Variants in OPCML observed in about 807,000 individuals in gnomAD.
OPCML encodes the protein opioid-binding protein/cell adhesion molecule.
In OPCML, 13 loss-of-function variants were observed where a neutral mutation model predicts 37.8. The ratio of observed to expected loss-of-function variants is 0.34; its 90% CI spans 0.22 to 0.55. The LOEUF is 0.55. Ranked by LOEUF, OPCML falls within the 20% of genes least tolerant of loss-of-function variation. The pLI is 0.91. For synonymous variants in OPCML, 176 were observed against 168.8 expected (o/e 1.04, Z -0.33); for missense variants, 341 against 435.6 (o/e 0.78, Z 1.93).
chr11:132,762,588 C>T (rs1305912516), intron 2 of OPCML, among the ~76,000 whole-genome samples: 2 of 152,192 alleles, frequency 1.3e-5, no homozygotes, highest in African/African-American at 4.8e-5. Context: ...CAAGTTCGAA[C>T]TTCCTGGTGG....
At chr11:133,458,590 T>G (rs1282632305) in intron 1 of OPCML, among the ~76,000 whole-genome samples, 1 of 115,056 alleles carries the variant, frequency 8.7e-6, no homozygotes, top group Non-Finnish European at 1.5e-5. Context: ...TGTACACATA[T>G]ATACACGTGT....
At chr11:132,459,829 A>C (rs1046819562) in intron 4 of OPCML, among the ~76,000 whole-genome samples, 4 of 152,208 alleles carry the variant, frequency 2.6e-5, no homozygotes, top group Admixed American at 2.6e-4. Context: ...CATGAAAGCA[A>C]ATACAAGTTT....
intron 1 of OPCML, among the ~76,000 whole-genome samples, chr11:133,321,759 G>A (rs1053183838): frequency 3.9e-5 from 6 of 152,086 alleles, no homozygotes; most frequent in African/African-American, 9.7e-5. Context: ...ACAGACAGAT[G>A]TGCCAAGTGC....
At chr11:133,327,335 C>T (rs2136639206) in intron 1 of OPCML, among the ~76,000 whole-genome samples, 1 of 151,936 alleles carries the variant, frequency 6.6e-6, no homozygotes, top group Non-Finnish European at 1.5e-5. Flanking sequence ...TATTTTGGCA[C>T]CAGGTTTTTG....
intron 3 of OPCML, among the ~76,000 whole-genome samples, chr11:132,564,377 A>T (rs888147186): frequency 1.3e-5 from 2 of 151,906 alleles, no homozygotes; most frequent in African/African-American, 2.4e-5. Context: ...CTTTAACATC[A>T]CTCTACAAGA....
At chr11:133,199,153 G>A (rs1938660253) in intron 1 of OPCML, among the ~76,000 whole-genome samples, 1 of 152,144 alleles carries the variant, frequency 6.6e-6, no homozygotes, top group African/African-American at 2.4e-5. Context: ...TAGGTCTTGA[G>A]GGGTAGAAAA....
intron 4 of OPCML, among the ~76,000 whole-genome samples, chr11:132,450,812 C>T (rs181595146): frequency 6.6e-6 from 1 of 152,232 alleles, no homozygotes; most frequent in Non-Finnish European, 1.5e-5. Context: ...TTTCTGTGTC[C>T]ATTTGGATAA....
At chr11:132,566,709 C>G (rs146034158) in intron 3 of OPCML, among the ~76,000 whole-genome samples, 166 of 152,228 alleles carry the variant, frequency 1.1e-3, no homozygotes, top group Admixed American at 2.9e-3. Context: ...TTTATCACTG[C>G]GAGGTGTCTT....
intron 1 of OPCML, among the ~76,000 whole-genome samples, chr11:133,381,223 G>C (rs1481006343): frequency 6.6e-6 from 1 of 152,228 alleles, no homozygotes; most frequent in Non-Finnish European, 1.5e-5. Context: ...GCAAAAGAGA[G>C]GGTAGGAGCC....
chr11:132,974,806 T>G (rs569649840), intron 1 of OPCML, among the ~76,000 whole-genome samples: 2 of 152,146 alleles, frequency 1.3e-5, no homozygotes, highest in South Asian at 4.1e-4. Flanking sequence ...TATTGTCCTT[T>G]GATTTTCTCC....
Position 133,191,493 on chromosome 11 carries a change from CTGTGTGTGTGGGTGTGTGTGTGTGTG to C in OPCML, c.62-248509_62-248484del, listed in dbSNP as rs1430489181. On this transcript the variant is annotated intron_variant, in intron 1 of 7. Coordinates refer to ENST00000524381, the MANE Select transcript of OPCML (RefSeq NM_001012393.5). ...AAGTATTTCTGTATCTTTTTCTTTT[CTGTGTGTGTGGGTGTGTGTGTGTGTG>C]TGTGTGTGTGTGTGTGTGACGGAGT... Among the ~76,000 whole-genome samples the C allele has an allele frequency of 4.2e-5, 5 of 119,716 alleles. No individual in the cohort carries two copies. The East Asian group carries it at 6.0e-4, about 14-fold the overall frequency. The allele number at this position is 119,716 out of a possible 152,430, so 78.5% of individuals were successfully genotyped here.
chr11:133,423,040 G>A (rs1945924576), intron 1 of OPCML: 1 of 985,350 alleles, frequency 1.0e-6, no homozygotes, highest in Non-Finnish European at 1.2e-6. Flanking sequence ...AACCTCTACT[G>A]TTCCTCTTAC....
chr11:133,179,398 G>C (rs538145475), intron 1 of OPCML, among the ~76,000 whole-genome samples: 1 of 152,052 alleles, frequency 6.6e-6, no homozygotes, highest in Non-Finnish European at 1.5e-5. Context: ...GTGGGACAAA[G>C]TGTTTTCTCC....
chr11:133,200,787 G>A (rs1408390995), intron 1 of OPCML, among the ~76,000 whole-genome samples: 1 of 152,052 alleles, frequency 6.6e-6, no homozygotes, highest in East Asian at 1.9e-4. Context: ...TGGGTACATA[G>A]CCAAAGGAAT....
intron 1 of OPCML, among the ~76,000 whole-genome samples, chr11:133,501,334 G>A (rs1947911702): frequency 6.6e-6 from 1 of 152,152 alleles, no homozygotes; most frequent in African/African-American, 2.4e-5. Flanking sequence ...CACACGTCAT[G>A]ACCTAATCAC....
chr11:132,476,069 T>G (rs1251779535), intron 4 of OPCML, among the ~76,000 whole-genome samples: 2 of 152,224 alleles, frequency 1.3e-5, no homozygotes, highest in Non-Finnish European at 2.9e-5. Flanking sequence ...ATCAGCACTA[T>G]GTAAGATACA....
rs899016527 is a variant in OPCML, at chr11:133,422,652, C to T, written c.61+109612G>A. On this transcript the variant is annotated intron_variant, in intron 1 of 7. Coordinates refer to ENST00000524381, the MANE Select transcript of OPCML (RefSeq NM_001012393.5). ...GATTATGGGTGTGAACCACTGAGCC[C>T]GGCCACTAATTTCCTTTTAATAATT... 4.5e-5 allele frequency: 44 copies of T among 981,398 alleles called. No homozygotes were observed. The African/African-American group carries it at 5.8e-4, about 13-fold the overall frequency. The allele number at this position is 981,398 out of a possible 1,614,324, so 60.8% of individuals were successfully genotyped here. A position where few individuals can be genotyped will look rare whatever the true frequency, so the allele number is the denominator to read the frequency against.
intron 1 of OPCML, among the ~76,000 whole-genome samples, chr11:133,364,701 C>T (rs1354119353): frequency 6.6e-6 from 1 of 152,152 alleles, no homozygotes; most frequent in Non-Finnish European, 1.5e-5. Flanking sequence ...ATGTGAGCTC[C>T]AGCCCTTCTT....
chr11:132,890,877 A>C (rs980052906), intron 2 of OPCML, among the ~76,000 whole-genome samples: 3 of 151,326 alleles, frequency 2.0e-5, no homozygotes, highest in African/African-American at 7.3e-5. Flanking sequence ...AAAAAAAGAA[A>C]AAAAAAGAAA....
Sources: gnomAD v4.1 joint callset for allele counts (sites outside exome capture counted in the v4.1 genomes callset) on GRCh38, gnomAD v4.1.1 for gene constraint, MANE v1.5 for transcripts, NCBI Gene and HGNC (gene_info 2026-07-23, HGNC 2026-07-21) for gene names.